Variants in RHPN2 observed in about 807,000 individuals in gnomAD.
The protein encoded by RHPN2 is rhophilin-2.
Under a neutral mutation model 79.0 loss-of-function variants are expected in RHPN2, and 40 were observed. The observed-to-expected ratio is 0.51, with a 90% CI of 0.39 to 0.66. The LOEUF (loss-of-function observed/expected upper bound fraction) is 0.66, where lower values mean the gene tolerates loss of function less well. Among genes scored for constraint, RHPN2 ranks in the 30% least tolerant of loss-of-function variants. RHPN2 has a pLI of 0.00. For missense variants in RHPN2, 686 were observed against 883.5 expected (o/e 0.78, Z 2.83); for synonymous variants, 285 against 363.5 (o/e 0.78, Z 2.46).
intron 7 of RHPN2, among the ~76,000 whole-genome samples, chr19:33,006,353 C>T (rs1162528407): frequency 5.3e-5 from 8 of 152,212 alleles, no homozygotes; most frequent in Middle Eastern, 3.4e-3. Context: ...TACACCACCA[C>T]GCCTGGCTAA....
At chr19:33,047,240 T>C (rs2145265394) in intron 1 of RHPN2, among the ~76,000 whole-genome samples, 1 of 152,332 alleles carries the variant, frequency 6.6e-6, no homozygotes, top group African/African-American at 2.4e-5. Context: ...CAAGTTGACA[T>C]GCAAAAATAG....
intron 3 of RHPN2, among the ~76,000 whole-genome samples, chr19:33,025,985 T>TG (rs1555712904): frequency 6.6e-6 from 1 of 150,620 alleles, no homozygotes; most frequent in Non-Finnish European, 1.5e-5. Flanking sequence ...TCATTTGTTT[T>TG]TTTTTTTTTT....
chr19:32,994,086 C>A (rs139029436), intron 11 of RHPN2, 33 bp from the exon 12 acceptor site: 3 of 1,459,752 alleles, frequency 2.1e-6, no homozygotes, highest in Non-Finnish European at 2.9e-6. Flanking sequence ...GGAGGATAAA[C>A]GTTTCTGTAA....
intron 2 of RHPN2, among the ~76,000 whole-genome samples, chr19:33,035,946 C>T (rs1280445040): frequency 6.6e-6 from 1 of 151,898 alleles, no homozygotes; most frequent in Non-Finnish European, 1.5e-5. Flanking sequence ...GAAAACCTAT[C>T]TCTACTAAAA....
chr19:33,062,767 C>CATAATA (rs76516449), intron 1 of RHPN2, among the ~76,000 whole-genome samples: 96 of 143,664 alleles, frequency 6.7e-4, no homozygotes, highest in African/African-American at 9.1e-4. Flanking sequence ...GACTCTGTTT[C>CATAATA]ATAATAATAA....
chr19:33,049,004 G>C (rs376243569), intron 1 of RHPN2, among the ~76,000 whole-genome samples: 122 of 152,100 alleles, frequency 8.0e-4, no homozygotes, highest in African/African-American at 2.9e-3. Flanking sequence ...ACTTCTGCTG[G>C]CCTGGAATCA....
chr19:32,988,212 CAAA>C (rs758073522), intron 14 of RHPN2, among the ~76,000 whole-genome samples: 44 of 138,756 alleles, frequency 3.2e-4, no homozygotes, highest in East Asian at 1.7e-3. Flanking sequence ...ACAACAACAA[CAAA>C]AAAAAAAACA....
In RHPN2 at chr19:33,018,244, G is replaced by A. The variant is rs567653114; in HGVS notation, c.390+3327C>T. On this transcript the variant is annotated intron_variant, in intron 4 of 14. Coordinates refer to ENST00000254260, the MANE Select transcript of RHPN2 (RefSeq NM_033103.5). ...CTCAGGAGGCTGAGGAAGGAGAATC[G>A]CTTGAACCCAGAAGGTGGAGGTTGC... 3.3e-5 allele frequency among the ~76,000 whole-genome samples: 5 copies of A among 152,030 alleles called. No homozygotes were observed. The South Asian group carries it at 8.3e-4, about 25-fold the overall frequency.
rs534077362 is a variant in RHPN2, at chr19:33,043,230, C to T, written c.185+1019G>A. On this transcript the variant is annotated intron_variant, in intron 2 of 14. Transcript: ENST00000254260. ...TGCACTCCAGCCTGGGCAACAAGAG[C>T]GAAACTCCATCTGAAAAAAAAGAAA... Among the ~76,000 whole-genome samples the T allele has an allele frequency of 1.5e-4, 23 of 151,518 alleles. 1 individual carries two copies. The highest frequency in any genetic ancestry group is 2.0e-4 in the East Asian group (1 of 5,112).
intron 2 of RHPN2, among the ~76,000 whole-genome samples, chr19:33,038,208 G>A (rs138285674): frequency 2.6e-5 from 4 of 151,868 alleles, no homozygotes; most frequent in Admixed American, 2.0e-4. Flanking sequence ...AATTAGCTGG[G>A]CATGGGGGTG....
At chr19:32,981,746 G>A (rs1330249686) in intron 14 of RHPN2, among the ~76,000 whole-genome samples, 3 of 127,152 alleles carry the variant, frequency 2.4e-5, no homozygotes, top group East Asian at 2.3e-4. Flanking sequence ...TCGCTCTGTC[G>A]CCCAGGCTGG....
At chr19:33,003,747 A>G (rs910566261) in intron 7 of RHPN2, among the ~76,000 whole-genome samples, 3 of 152,356 alleles carry the variant, frequency 2.0e-5, no homozygotes, top group African/African-American at 4.8e-5. Flanking sequence ...GTAGGATTCC[A>G]TTTAGATAAG....
At chr19:32,989,557 T>C (rs535812408) in intron 14 of RHPN2, among the ~76,000 whole-genome samples, 1 of 152,256 alleles carries the variant, frequency 6.6e-6, no homozygotes, top group Admixed American at 6.5e-5. Context: ...AGCACTTCTG[T>C]ACCATTAGAA....
At chr19:33,032,297 G>A (rs556452097) in intron 2 of RHPN2, among the ~76,000 whole-genome samples, 3 of 152,280 alleles carry the variant, frequency 2.0e-5, no homozygotes, top group East Asian at 1.9e-4. Context: ...GATTATAGGC[G>A]TGAGCCACCG....
At chr19:33,008,851 G>A (rs1166134746) in intron 6 of RHPN2, among the ~76,000 whole-genome samples, 1 of 152,010 alleles carries the variant, frequency 6.6e-6, no homozygotes, top group Non-Finnish European at 1.5e-5. Context: ...CACACTGACC[G>A]CCACAGCCAC....
chr19:33,037,203 C>G (rs1380161948), intron 2 of RHPN2, among the ~76,000 whole-genome samples: 1 of 152,182 alleles, frequency 6.6e-6, no homozygotes, highest in Non-Finnish European at 1.5e-5. Context: ...TGTGAATGCA[C>G]CAATCAACAC....
intron 10 of RHPN2, among the ~76,000 whole-genome samples, chr19:32,997,389 GGGT>G: frequency 6.6e-6 from 1 of 152,312 alleles, no homozygotes; most frequent in South Asian, 2.1e-4. Context: ...GTAATGGATG[GGGT>G]GGTGATGAGG....
intron 2 of RHPN2, among the ~76,000 whole-genome samples, chr19:33,036,874 C>CT (rs967186036): frequency 9.0e-5 from 13 of 144,254 alleles, no homozygotes; most frequent in South Asian, 4.4e-4. Flanking sequence ...GCCTGAGCCC[C>CT]CCCGCCACCC....
In RHPN2 at chr19:33,008,072, A is replaced by G. The variant is rs2163807; in HGVS notation, c.702T>C (p.Cys234=). 0.45 allele frequency: 726,261 copies of G among 1,612,844 alleles called. 166,188 individuals carry two copies. Among genetic ancestry groups the G allele is most frequent in the South Asian group, 0.53 (47,995 of 91,032 alleles). ...GALYTQIGTR[C]DRQTQAGLES... is the part of the protein sequence containing the mutation. ...CCAGCCCAGCCTGCGTCTGCCGATCACACCGGGTCCCAATCTGGGTGTAGA... is the reference window on the plus strand; with the variant it reads ...CCAGCCCAGCCTGCGTCTGCCGATCGCACCGGGTCCCAATCTGGGTGTAGA... The change falls in exon 7 of 15, where the codon TGT becomes TGC. Residue 234 remains cysteine, a synonymous_variant. Transcript: ENST00000254260.
Sources: allele counts gnomAD v4.1 joint callset (sites outside exome capture counted in the v4.1 genomes callset), GRCh38; gene constraint gnomAD v4.1.1; transcripts MANE v1.5; gene names NCBI Gene and HGNC (gene_info 2026-07-23, HGNC 2026-07-21).